IL1RAPL2: variants seen among roughly 807,000 people sequenced by gnomAD.
IL1RAPL2 encodes the protein X-linked interleukin-1 receptor accessory protein-like 2.
Under a neutral mutation model 44.1 loss-of-function variants are expected in IL1RAPL2, and 3 were observed. That is an observed-to-expected ratio of 0.07 (90% confidence interval 0.03 to 0.18). IL1RAPL2 has a LOEUF of 0.18. Among genes scored for constraint, IL1RAPL2 ranks in the 10% least tolerant of loss-of-function variants. The pLI is 1.00. For synonymous variants in IL1RAPL2, 181 were observed against 178.8 expected (o/e 1.01, Z -0.10); for missense variants, 391 against 496.4 (o/e 0.79, Z 2.02).
At chrX:105,222,425 T>C (rs2147628410) in intron 3 of IL1RAPL2, among the ~76,000 whole-genome samples, 1 of 112,168 alleles carries the variant, frequency 8.9e-6, no homozygotes, top group East Asian at 2.8e-4. Context: ...TTAAATGCTG[T>C]TTTTAGATGC....
intron 2 of IL1RAPL2, among the ~76,000 whole-genome samples, chrX:104,882,792 C>T (rs1923107575): frequency 8.9e-6 from 1 of 111,811 alleles, no homozygotes; most frequent in Admixed American, 9.5e-5. Context: ...TGCTGCTGCT[C>T]ACTCTTTGGG....
chrX:105,744,919 TC>T (rs2038528251), intron 8 of IL1RAPL2, among the ~76,000 whole-genome samples: 1 of 111,807 alleles, frequency 8.9e-6, no homozygotes, highest in African/African-American at 3.3e-5. Flanking sequence ...TATCATTGAA[TC>T]TCTCTCTCTT....
At chrX:105,747,480 C>G (rs28619311) in intron 8 of IL1RAPL2, among the ~76,000 whole-genome samples, 3,880 of 69,838 alleles carry the variant, frequency 0.056, 312 homozygotes, top group African/African-American at 0.22. Context: ...CTCTCTCTCT[C>G]TGTGTGTGTG....
chrX:104,692,508 C>A (rs1039085303), intron 2 of IL1RAPL2, among the ~76,000 whole-genome samples: 1 of 109,196 alleles, frequency 9.2e-6, no homozygotes, highest in African/African-American at 3.3e-5. Context: ...CCCTTCCCCC[C>A]ACCCCACGAC....
chrX:105,357,727 C>G (rs1435207724), intron 5 of IL1RAPL2, among the ~76,000 whole-genome samples: 1 of 108,749 alleles, frequency 9.2e-6, no homozygotes, highest in Non-Finnish European at 1.9e-5. Context: ...TTTGATAAAC[C>G]ATATTTCAAA....
intron 2 of IL1RAPL2, among the ~76,000 whole-genome samples, chrX:105,012,672 C>A (rs6621899): frequency 4.0e-5 from 2 of 50,067 alleles, no homozygotes; most frequent in East Asian, 1.8e-3. Flanking sequence ...CACACACACA[C>A]ACAGAGAGAG....
At chrX:105,345,732 A>G (rs898838546) in intron 5 of IL1RAPL2, among the ~76,000 whole-genome samples, 1 of 111,377 alleles carries the variant, frequency 9.0e-6, no homozygotes, top group Non-Finnish European at 1.9e-5. Context: ...TTTCATGCCC[A>G]GGGATATACA....
intron 2 of IL1RAPL2, among the ~76,000 whole-genome samples, chrX:104,993,335 T>G (rs1752134412): frequency 9.0e-6 from 1 of 111,540 alleles, no homozygotes; most frequent in Non-Finnish European, 1.9e-5. Context: ...GTCAACAATT[T>G]GCTTGCAAAG....
intron 2 of IL1RAPL2, among the ~76,000 whole-genome samples, chrX:104,784,915 A>G (rs766036396): frequency 1.2e-4 from 13 of 111,074 alleles, no homozygotes; most frequent in East Asian, 5.6e-4. Context: ...AGGAAACTCA[A>G]TGTTTATGTT....
At chrX:105,318,208 C>G (rs949617548) in intron 5 of IL1RAPL2, among the ~76,000 whole-genome samples, 1 of 110,958 alleles carries the variant, frequency 9.0e-6, no homozygotes, top group Non-Finnish European at 1.9e-5. Context: ...CTGCTGACCT[C>G]GTGATCCGCC....
chrX:105,644,768 C>T (rs888332580), intron 6 of IL1RAPL2, among the ~76,000 whole-genome samples: 1 of 110,028 alleles, frequency 9.1e-6, no homozygotes, highest in Non-Finnish European at 1.9e-5. Flanking sequence ...GCCTCCCATG[C>T]CCCCCCAACA....
chrX:104,582,822 C>CTTTCTTTCTCTTTCTTTCTT (rs748809592), intron 1 of IL1RAPL2, among the ~76,000 whole-genome samples: 53 of 40,652 alleles, frequency 1.3e-3, no homozygotes, highest in Non-Finnish European at 1.9e-3. Context: ...TCCTTTCTTT[C>CTTTCTTTCTCTTTCTTTCTT]TCTTTCTTTC....
chrX:104,882,641 TG>T (rs1272521199), intron 2 of IL1RAPL2, among the ~76,000 whole-genome samples: 1 of 111,750 alleles, frequency 8.9e-6, no homozygotes, highest in African/African-American at 3.3e-5. Flanking sequence ...ATCAGCACTC[TG>T]TAAAATGGAC....
At chrX:104,578,300 A>C (rs1260871248) in intron 1 of IL1RAPL2, among the ~76,000 whole-genome samples, 1 of 112,191 alleles carries the variant, frequency 8.9e-6, no homozygotes, top group Non-Finnish European at 1.9e-5. Context: ...AAAAGACAGA[A>C]AGAGAGTTTG....
chrX:105,087,717 T>C (rs993124865), intron 2 of IL1RAPL2, among the ~76,000 whole-genome samples: 29 of 112,154 alleles, frequency 2.6e-4, no homozygotes, highest in Middle Eastern at 4.6e-3. Context: ...TTCTCATATA[T>C]AAAATGGGGG....
chrX:104,892,708 G>A (rs185382181), intron 2 of IL1RAPL2, among the ~76,000 whole-genome samples: 14 of 110,774 alleles, frequency 1.3e-4, no homozygotes, highest in South Asian at 3.8e-4. Context: ...TCTTGCTAGC[G>A]GTCTATCAGT....
At chrX:104,586,062 C>T (rs1003823074) in intron 1 of IL1RAPL2, among the ~76,000 whole-genome samples, 1 of 112,044 alleles carries the variant, frequency 8.9e-6, no homozygotes, top group African/African-American at 3.2e-5. Context: ...CTACCACCAA[C>T]AGTGTATAAG....
At chrX:105,642,663 T>A (rs1339803139) in intron 6 of IL1RAPL2, among the ~76,000 whole-genome samples, 1 of 112,338 alleles carries the variant, frequency 8.9e-6, no homozygotes, top group Non-Finnish European at 1.9e-5. Context: ...TTCTACTCTA[T>A]TCACTTGTAA....
intron 2 of IL1RAPL2, among the ~76,000 whole-genome samples, chrX:105,025,646 G>T (rs1360602159): frequency 9.0e-6 from 1 of 110,923 alleles, no homozygotes; most frequent in East Asian, 2.8e-4. Context: ...TTATGTTACT[G>T]CAAAATAAAC....
Sources: gnomAD v4.1 joint callset for allele counts (sites outside exome capture counted in the v4.1 genomes callset) on GRCh38, gnomAD v4.1.1 for gene constraint, MANE v1.5 for transcripts, NCBI Gene and HGNC (gene_info 2026-07-23, HGNC 2026-07-21) for gene names.